RANBP2: variants seen among roughly 807,000 people sequenced by gnomAD.
The protein encoded by RANBP2 is E3 SUMO-protein ligase RanBP2.
Under a neutral mutation model 303.6 loss-of-function variants are expected in RANBP2, and 57 were observed. The observed-to-expected ratio is 0.19, with a 90% CI of 0.15 to 0.23. The LOEUF is 0.23. Among genes scored for constraint, RANBP2 ranks in the 10% least tolerant of loss-of-function variants. The pLI is 1.00. For missense variants in RANBP2, 3,138 were observed against 3,780.8 expected (o/e 0.83, Z 4.46); for synonymous variants, 1,167 against 1,301.5 (o/e 0.90, Z 2.23).
At chr2:109,236,952 A>G in the RANBP2 span, among the ~76,000 whole-genome samples, 9 of 152,234 alleles carry the variant, frequency 5.9e-5, no homozygotes, top group East Asian at 3.8e-4. Flanking sequence ...AGAAATTTCA[A>G]CTGGCCTAAG....
chr2:108,826,152 A>G, the RANBP2 span, among the ~76,000 whole-genome samples: 3 of 152,320 alleles, frequency 2.0e-5, no homozygotes, highest in Middle Eastern at 3.4e-3. Context: ...TAAATATTCA[A>G]GATGGATGTA....
chr2:109,260,660 A>T, the RANBP2 span, among the ~76,000 whole-genome samples: 177 of 152,254 alleles, frequency 1.2e-3, no homozygotes, highest in Non-Finnish European at 2.1e-3. Flanking sequence ...TCCAGGGCCA[A>T]TGGAGGCCCA....
At chr2:109,683,205 C>T in the RANBP2 span, among the ~76,000 whole-genome samples, 1 of 152,118 alleles carries the variant, frequency 6.6e-6, no homozygotes, top group Admixed American at 6.5e-5. Context: ...AGGGTTTCAC[C>T]ATATTGGCCA....
At chr2:108,912,486 G>A in the RANBP2 span, among the ~76,000 whole-genome samples, 2 of 152,290 alleles carry the variant, frequency 1.3e-5, no homozygotes, top group Admixed American at 6.5e-5. Flanking sequence ...ACCCATAGAG[G>A]GATCAACTCT....
chr2:109,385,639 A>G, the RANBP2 span, among the ~76,000 whole-genome samples: 7 of 152,356 alleles, frequency 4.6e-5, no homozygotes, highest in East Asian at 1.2e-3. Context: ...GCAGAGCCTG[A>G]GGTCAGCTGC....
At chr2:109,164,983 C>A in the RANBP2 span, among the ~76,000 whole-genome samples, 2 of 152,316 alleles carry the variant, frequency 1.3e-5, no homozygotes, top group Middle Eastern at 3.4e-3. Flanking sequence ...AAAGCCTCTT[C>A]TTAGTCATCG....
chr2:108,983,393 A>C, the RANBP2 span, among the ~76,000 whole-genome samples: 1 of 152,328 alleles, frequency 6.6e-6, no homozygotes, highest in Non-Finnish European at 1.5e-5. Context: ...TTTATTACCC[A>C]AGGACACAGA....
At chr2:109,363,535 A>G in the RANBP2 span, among the ~76,000 whole-genome samples, 1 of 152,188 alleles carries the variant, frequency 6.6e-6, no homozygotes, top group Admixed American at 6.5e-5. Context: ...TTTTAAGTTT[A>G]CTGCCATTCC....
chr2:109,489,927 A>G, the RANBP2 span, among the ~76,000 whole-genome samples: 2 of 152,218 alleles, frequency 1.3e-5, no homozygotes, highest in African/African-American at 4.8e-5. Context: ...TAGTAGAGAC[A>G]GGGTTTCACC....
the RANBP2 span, among the ~76,000 whole-genome samples, chr2:109,492,912 T>C: frequency 6.6e-6 from 1 of 152,024 alleles, no homozygotes; most frequent in African/African-American, 2.4e-5. Context: ...TCCCAGCCCC[T>C]ACAGCCACAC....
At chr2:109,075,043 A>G in the RANBP2 span, among the ~76,000 whole-genome samples, 1 of 125,398 alleles carries the variant, frequency 8.0e-6, no homozygotes, top group Non-Finnish European at 1.8e-5. Flanking sequence ...AAAAAAAAAA[A>G]AAAAAAGAAG....
At chr2:108,863,634 T>C in the RANBP2 span, among the ~76,000 whole-genome samples, 1 of 152,258 alleles carries the variant, frequency 6.6e-6, no homozygotes, top group Non-Finnish European at 1.5e-5. Context: ...CTTTTAAATA[T>C]ATTTCTACAT....
At position 108,767,339 on chromosome 2, in the gene RANBP2, T is replaced by G; in HGVS notation, c.6800T>G (p.Phe2267Cys). The G allele has an allele frequency of 1.9e-6, 3 of 1,612,056 alleles. No homozygotes were observed. Among genetic ancestry groups the G allele is most frequent in the Non-Finnish European group, 1.7e-6 (2 of 1,179,866 alleles). The change falls in exon 20 of 29, where the codon TTT becomes TGT. Residue 2267 changes from phenylalanine to cysteine, a missense_variant. Physicochemically the swap from Phe to Cys is radical, Grantham distance 205 (BLOSUM62 -2). This residue lies in a region of RANBP2 where 72 missense variants were observed against 86.8 expected (regional missense o/e 0.83). Transcript: ENST00000283195. The part of the protein sequence containing the change: ...LFRFGESTTG[F>C]NFSFKSALSP... ...CGTTTTGGTGAGTCAACAACAGGAT[T>G]TAACTTCAGTTTTAAATCTGCTTTG...
At chr2:109,316,767 T>C in the RANBP2 span, among the ~76,000 whole-genome samples, 6 of 152,208 alleles carry the variant, frequency 3.9e-5, no homozygotes, top group South Asian at 2.1e-4. Context: ...CACTCAGTAC[T>C]TTCCCTGCCC....
the RANBP2 span, among the ~76,000 whole-genome samples, chr2:109,662,942 C>T: frequency 6.6e-6 from 1 of 152,208 alleles, no homozygotes; most frequent in African/African-American, 2.4e-5. Flanking sequence ...CAGTGCTCCA[C>T]TTCCAAAGTA....
chr2:109,309,819 A>G, the RANBP2 span, among the ~76,000 whole-genome samples: 7 of 114,848 alleles, frequency 6.1e-5, 1 homozygote, highest in African/African-American at 9.3e-5. Flanking sequence ...CACCCAATAC[A>G]GGAGCACCCA....
chr2:109,655,929 C>A, the RANBP2 span, among the ~76,000 whole-genome samples: 1 of 152,174 alleles, frequency 6.6e-6, no homozygotes, highest in African/African-American at 2.4e-5. Context: ...CCTCCCTTTG[C>A]CTCAGTTTCC....
chr2:109,715,316 C>G, the RANBP2 span, among the ~76,000 whole-genome samples: 5 of 152,196 alleles, frequency 3.3e-5, no homozygotes, highest in South Asian at 2.1e-4. Context: ...TCATGTTGCC[C>G]AGGCTGGTCT....
At chr2:109,202,722 G>A in the RANBP2 span, among the ~76,000 whole-genome samples, 3 of 152,228 alleles carry the variant, frequency 2.0e-5, no homozygotes, top group African/African-American at 4.8e-5. Flanking sequence ...ATCTGGAAAC[G>A]CCACGGCCTT....
Sources: gnomAD v4.1 joint callset for allele counts (sites outside exome capture counted in the v4.1 genomes callset) on GRCh38, gnomAD v4.1.1 for gene constraint, gnomAD v4.1.1 regional missense constraint, MANE v1.5 for transcripts, NCBI Gene and HGNC (gene_info 2026-07-23, HGNC 2026-07-21) for gene names.